The following PTPRT variants were observed in gnomAD, a reference collection of about 807,000 sequenced individuals.
The protein encoded by PTPRT is protein tyrosine phosphatase receptor type T, also known as receptor-type tyrosine-protein phosphatase T.
In PTPRT, 56 loss-of-function variants were observed where a neutral mutation model predicts 176.8. That is an observed-to-expected ratio of 0.32 (90% confidence interval 0.26 to 0.40). PTPRT has a LOEUF of 0.40. Ranked by LOEUF, PTPRT falls within the 10% of genes least tolerant of loss-of-function variation. The pLI is 1.00. For synonymous variants in PTPRT, 783 were observed against 739.0 expected (o/e 1.06, Z -0.96); for missense variants, 1,540 against 1,908.2 (o/e 0.81, Z 3.60).
intron 17 of PTPRT, among the ~76,000 whole-genome samples, chr20:42,155,451 G>A (rs933769919): frequency 6.6e-6 from 1 of 152,116 alleles, no homozygotes; most frequent in Non-Finnish European, 1.5e-5. Flanking sequence ...CGGCCAATTG[G>A]TTCTTATTTA....
chr20:42,630,127 G>A (rs1327063845), intron 7 of PTPRT, among the ~76,000 whole-genome samples: 1 of 152,178 alleles, frequency 6.6e-6, no homozygotes. Flanking sequence ...TGGGAGGTAA[G>A]AGGGTCAGAG....
At chr20:42,056,082 CTTG>C in the PTPRT span, among the ~76,000 whole-genome samples, 1 of 152,084 alleles carries the variant, frequency 6.6e-6, no homozygotes, top group South Asian at 2.1e-4. Flanking sequence ...TTCTTGGAAT[CTTG>C]TTGTTTTTCT....
At chr20:42,130,438 A>C (rs1456083384) in intron 18 of PTPRT, among the ~76,000 whole-genome samples, 3 of 152,114 alleles carry the variant, frequency 2.0e-5, no homozygotes, top group Admixed American at 6.5e-5. Flanking sequence ...TGTAGTTGTA[A>C]TACCCTGGCT....
chr20:42,688,608 A>C (rs545940740), intron 6 of PTPRT: 2 of 152,184 alleles, frequency 1.3e-5, no homozygotes, highest in African/African-American at 4.8e-5. Context: ...ATTTATATCA[A>C]TAGGTATTAT....
chr20:42,570,584 G>T (rs1017216502), intron 7 of PTPRT, among the ~76,000 whole-genome samples: 2 of 152,098 alleles, frequency 1.3e-5, no homozygotes, highest in Non-Finnish European at 2.9e-5. Context: ...TGTAGCCAAA[G>T]ATTTTCCAAG....
At chr20:42,628,172 G>A (rs1269146182) in intron 7 of PTPRT, among the ~76,000 whole-genome samples, 1 of 152,094 alleles carries the variant, frequency 6.6e-6, no homozygotes, top group African/African-American at 2.4e-5. Flanking sequence ...CTTCCGTGGG[G>A]GATTTTAATA....
At chr20:42,750,529 C>G (rs1301041177) in intron 6 of PTPRT, among the ~76,000 whole-genome samples, 1 of 152,170 alleles carries the variant, frequency 6.6e-6, no homozygotes, top group East Asian at 1.9e-4. Context: ...AATCCCTACT[C>G]TTGATCCTAA....
chr20:42,040,719 A>G, the PTPRT span, among the ~76,000 whole-genome samples: 1 of 152,210 alleles, frequency 6.6e-6, no homozygotes, highest in South Asian at 2.1e-4. Context: ...GATGATCAAG[A>G]TCTGACATAA....
At chr20:42,599,868 G>A (rs2073744761) in intron 7 of PTPRT, among the ~76,000 whole-genome samples, 1 of 152,078 alleles carries the variant, frequency 6.6e-6, no homozygotes, top group South Asian at 2.1e-4. Context: ...CTCAGGTTCT[G>A]CCTGGCACTC....
intron 27 of PTPRT, among the ~76,000 whole-genome samples, chr20:42,095,806 G>A (rs1452788635): frequency 1.3e-5 from 2 of 152,176 alleles, no homozygotes; most frequent in East Asian, 1.9e-4. Context: ...CAAGCACCTA[G>A]AATAGCTTCC....
intron 8 of PTPRT, among the ~76,000 whole-genome samples, chr20:42,466,954 G>A (rs1048075700): frequency 1.3e-5 from 2 of 152,282 alleles, no homozygotes; most frequent in East Asian, 3.9e-4. Flanking sequence ...GAATCAGCTT[G>A]AAGAGACTGC....
At chr20:42,747,001 A>G (rs2076700644) in intron 6 of PTPRT, among the ~76,000 whole-genome samples, 1 of 152,188 alleles carries the variant, frequency 6.6e-6, no homozygotes, top group African/African-American at 2.4e-5. Flanking sequence ...GTGGGTAAGT[A>G]GCATGGCTCT....
intron 1 of PTPRT, among the ~76,000 whole-genome samples, chr20:43,014,511 A>C (rs1985283891): frequency 6.6e-6 from 1 of 152,202 alleles, no homozygotes; most frequent in Admixed American, 6.5e-5. Context: ...GACTTCAGAG[A>C]CCACAGCCAT....
intron 7 of PTPRT, among the ~76,000 whole-genome samples, chr20:42,614,950 T>C (rs1368179929): frequency 5.3e-5 from 8 of 149,804 alleles, no homozygotes; most frequent in African/African-American, 2.0e-4. Flanking sequence ...TTTTTTTTAA[T>C]TATACTTTAA....
chr20:43,144,787 A>T lies in PTPRT; in HGVS notation c.88+44859T>A, dbSNP rs957993921. Among the ~76,000 whole-genome samples, 4 of 148,212 alleles carry T rather than the reference A, an allele frequency of 2.7e-5. No homozygotes were observed. The East Asian group carries it at 5.9e-4, about 22-fold the overall frequency. On this transcript the variant is annotated intron_variant, in intron 1 of 30. Transcript: ENST00000373187. Reference sequence around the variant, plus strand: ...TGAATATACTAAAAACCGTTGAATTAAAAAAAAAAGTGATGTTTTCAAAAA... The same window carrying T: ...TGAATATACTAAAAACCGTTGAATTTAAAAAAAAAGTGATGTTTTCAAAAA...
intron 6 of PTPRT, among the ~76,000 whole-genome samples, chr20:42,728,307 G>A (rs570618537): frequency 3.3e-5 from 5 of 152,260 alleles, no homozygotes; most frequent in East Asian, 3.9e-4. Context: ...GGGTGGGGCC[G>A]GAGAATTTAC....
At chr20:42,755,221 C>T (rs1240502217) in intron 6 of PTPRT, among the ~76,000 whole-genome samples, 1 of 152,050 alleles carries the variant, frequency 6.6e-6, no homozygotes. Flanking sequence ...TGTATGAAGT[C>T]AAGACAGCCA....
In PTPRT at chr20:43,161,429, T is replaced by C. The variant is rs568571720; in HGVS notation, c.88+28217A>G. On this transcript the variant is annotated intron_variant, in intron 1 of 30. Coordinates refer to ENST00000373187, the MANE Select transcript of PTPRT (RefSeq NM_007050.6). The stretch of plus-strand genomic sequence containing the variant: ...ATTAATAAAAACACAGATGATCCAA[T>C]GAGAATGTAAATAAGGAAATTAGGA... Among the ~76,000 whole-genome samples, 20 of 152,160 alleles carry C rather than the reference T, an allele frequency of 1.3e-4. 1 individual carries two copies. The East Asian group carries it at 3.1e-3, about 23-fold the overall frequency.
chr20:42,086,753 A>ATATATATATATAT (rs60067837), intron 27 of PTPRT, among the ~76,000 whole-genome samples: 5 of 95,532 alleles, frequency 5.2e-5, no homozygotes, highest in South Asian at 3.8e-4. Context: ...AAAAAAAAAA[A>ATATATATATATAT]ATATATATAT....
Sources: gnomAD v4.1 joint callset for allele counts (sites outside exome capture counted in the v4.1 genomes callset) on GRCh38, gnomAD v4.1.1 for gene constraint, MANE v1.5 for transcripts, NCBI Gene and HGNC (gene_info 2026-07-23, HGNC 2026-07-21) for gene names.